FERMT1: variants seen among roughly 807,000 people sequenced by gnomAD.
FERMT1 encodes FERM domain containing kindlin 1.
Under a neutral mutation model 85.3 loss-of-function variants are expected in FERMT1, and 60 were observed. The ratio of observed to expected loss-of-function variants is 0.70; its 90% confidence interval spans 0.57 to 0.87. The LOEUF (loss-of-function observed/expected upper bound fraction) is 0.87, where lower values mean the gene tolerates loss of function less well. FERMT1 is among the 40% of genes least tolerant of loss of function. The pLI is 0.00. For missense variants in FERMT1, 701 were observed against 818.9 expected (o/e 0.86, Z 1.76); for synonymous variants, 275 against 301.1 (o/e 0.91, Z 0.90).
At chr20:6,088,035 T>C (rs1475470881) in intron 10 of FERMT1, 152 bp from the exon 11 acceptor site, 3 of 667,956 alleles carry the variant, frequency 4.5e-6, no homozygotes, top group Non-Finnish European at 8.1e-6. Context: ...CATTAATTAA[T>C]GGATAATTAG....
intron 2 of FERMT1, among the ~76,000 whole-genome samples, chr20:6,117,027 C>G (rs1337251378): frequency 6.6e-6 from 1 of 152,210 alleles, no homozygotes; most frequent in Non-Finnish European, 1.5e-5. Context: ...ATCTCCAACT[C>G]TTTATCAGTA....
At chr20:6,114,173 C>T (rs745747337) in intron 3 of FERMT1, among the ~76,000 whole-genome samples, 2 of 152,166 alleles carry the variant, frequency 1.3e-5, no homozygotes, top group Admixed American at 6.5e-5. Context: ...TTGCAACACA[C>T]GTGTGACCAT....
At chr20:6,111,939 C>T (rs78441527) in intron 4 of FERMT1, among the ~76,000 whole-genome samples, 15,828 of 151,732 alleles carry the variant, frequency 0.1, 892 homozygotes, top group African/African-American at 0.14. Context: ...CTTGGCACAC[C>T]GCAACTTCCA....
Position 6,085,123 on chromosome 20 carries a change from AT to A in FERMT1, c.1535del (p.Asp512ValfsTer2). ...GTGACACAAAACATTCTGGGTTCAT[AT>A]CCATGTTTTCGAGACTGGAAGCCAC... Reference protein sequence around the residue: ...SQVASSLENMDMNPECFVSPR... With the variant: ...SQVASSLENMXMNPECFVSPR... On this transcript the variant is annotated frameshift_variant, in exon 12 of 15. Transcript: ENST00000217289. LOFTEE classifies it high-confidence loss of function. 6.2e-7 allele frequency: 1 copy of A among 1,614,186 alleles called. No individual in the cohort carries two copies. The highest frequency in any genetic ancestry group is 8.5e-7 in the Non-Finnish European group (1 of 1,180,032).
At chr20:6,085,846 C>CAA (rs10700226) in intron 11 of FERMT1, among the ~76,000 whole-genome samples, 24,775 of 140,620 alleles carry the variant, frequency 0.18, 2,596 homozygotes, top group East Asian at 0.53. Context: ...AATACTTTGT[C>CAA]AAAAAAAAAA....
chr20:6,107,012 A>G (rs1982813734), intron 6 of FERMT1, among the ~76,000 whole-genome samples: 1 of 152,128 alleles, frequency 6.6e-6, no homozygotes, highest in African/African-American at 2.4e-5. Context: ...CCTGGCCAAT[A>G]TAGTGAAACC....
chr20:6,094,705 C>T (rs1452416241), intron 9 of FERMT1, among the ~76,000 whole-genome samples: 1 of 152,120 alleles, frequency 6.6e-6, no homozygotes, highest in African/African-American at 2.4e-5. Flanking sequence ...GAGGTATATT[C>T]CCATTTTATA....
Position 6,075,010 on chromosome 20 carries a change from A to C in FERMT1, c.*2163T>G, listed in dbSNP as rs900622206. On this transcript the variant is annotated 3_prime_UTR_variant, in exon 15 of 15. Coordinates refer to ENST00000217289, the MANE Select transcript of FERMT1 (RefSeq NM_017671.5). The stretch of plus-strand genomic sequence containing the variant: ...CCTTTTGCACTCAGTATTAAAAAAA[A>C]CCATCAAGTTGCTCTTTGGAACAGT... The C allele has an allele frequency of 6.6e-6, 1 of 151,756 alleles. No homozygotes were observed. Among genetic ancestry groups the C allele is most frequent in the Non-Finnish European group, 1.5e-5 (1 of 67,952 alleles). The allele number at this position is 151,756 out of a possible 1,614,324, so 9.4% of individuals were successfully genotyped here.
rs2273420 is a variant in FERMT1, at chr20:6,119,744, G to A, written c.-18-172C>T. 0.6 allele frequency among the ~76,000 whole-genome samples: 90,547 copies of A among 151,946 alleles called. 27,370 individuals carry two copies. Among genetic ancestry groups the A allele is most frequent in the East Asian group, 0.84 (4,371 of 5,178 alleles). ...ATATCAAATTTGGCATCTTAACTTTGAAGACAAAAAGTTTTATAAAAATGG... is the reference window on the plus strand; with the variant it reads ...ATATCAAATTTGGCATCTTAACTTTAAAGACAAAAAGTTTTATAAAAATGG... On this transcript the variant is annotated intron_variant, in intron 1 of 14. Coordinates refer to ENST00000217289, the MANE Select transcript of FERMT1 (RefSeq NM_017671.5).
chr20:6,092,529 C>T lies in FERMT1; in HGVS notation c.1139+2410G>A, dbSNP rs140362095. Among the ~76,000 whole-genome samples the T allele has an allele frequency of 4.9e-3, 734 of 151,244 alleles. 3 individuals carry two copies. Among genetic ancestry groups the T allele is most frequent in the African/African-American group, 0.015 (627 of 41,318 alleles). On this transcript the variant is annotated intron_variant, in intron 9 of 14. Coordinates refer to ENST00000217289, the MANE Select transcript of FERMT1 (RefSeq NM_017671.5). ...CTGCACTCCATCTTGGGTGACAGAA[C>T]GAGACTTTGTCTCAAAAAAAAAAAA... is the stretch of plus-strand genomic sequence containing the variant.
chr20:6,114,391 G>A (rs542666326), intron 3 of FERMT1, among the ~76,000 whole-genome samples: 7 of 152,228 alleles, frequency 4.6e-5, no homozygotes, highest in Middle Eastern at 3.4e-3. Flanking sequence ...GAAATGCCAC[G>A]CTGAGCCTTT....
rs148797755 is a variant in FERMT1, at chr20:6,111,899, TG to T, written c.532+577del. On this transcript the variant is annotated intron_variant, in intron 4 of 14. Transcript: ENST00000217289. The stretch of plus-strand genomic sequence containing the variant: ...TTTTTTTTGAGACAGGGTCTTGCTC[TG>T]TCACCCAGCCTGAGTGCAGTGGCAC... 9.9e-3 allele frequency among the ~76,000 whole-genome samples: 1,499 copies of T among 151,808 alleles called. 10 individuals carry two copies. Among genetic ancestry groups the T allele is most frequent in the Non-Finnish European group, 0.016 (1,111 of 67,888 alleles).
rs1981936564 is a variant in FERMT1 at position 6,079,535 on chromosome 20, A to T, written c.1761T>A (p.Tyr587Ter). The change falls in exon 14 of 15, where the codon TAT becomes TAA. Residue 587 changes from tyrosine to a stop codon, truncating the protein, a stop_gained. Transcript: ENST00000217289. LOFTEE classifies it high-confidence loss of function. ...SKKDDILGVS[Y>*]NRLIKIDAAT... Reference sequence around the variant, plus strand: ...CTGCATCAATTTTAATCAACCTGTTATATGAAACTCCCAGAATGTCATCTT... The same window carrying T: ...CTGCATCAATTTTAATCAACCTGTTTTATGAAACTCCCAGAATGTCATCTT... The T allele has an allele frequency of 6.2e-7, 1 of 1,614,026 alleles. No individual in the cohort carries two copies. Among genetic ancestry groups the T allele is most frequent in the East Asian group, 2.2e-5 (1 of 44,880 alleles).
At chr20:6,108,720 A>C (rs1245186590) in intron 5 of FERMT1, among the ~76,000 whole-genome samples, 2 of 151,832 alleles carry the variant, frequency 1.3e-5, no homozygotes, top group South Asian at 2.1e-4. Flanking sequence ...TGAGGCAGGC[A>C]GGAAAATTGT....
At chr20:6,083,660 C>CG (rs1982064175) in intron 13 of FERMT1, among the ~76,000 whole-genome samples, 1 of 126,122 alleles carries the variant, frequency 7.9e-6, no homozygotes, top group African/African-American at 3.1e-5. Flanking sequence ...GAGACACCCC[C>CG]CCCCCCGGCC....
chr20:6,102,123 G>C (rs920406240), intron 6 of FERMT1, among the ~76,000 whole-genome samples: 1 of 151,602 alleles, frequency 6.6e-6, no homozygotes, highest in Non-Finnish European at 1.5e-5. Context: ...GAACTCCTGG[G>C]CTCCAGCAAT....
rs76830762 is a variant in FERMT1, at chr20:6,100,498, G to A, written c.850-2867C>T. ...AATGGGTATGGAGTTTCTTACTGCG[G>A]TGATGAAAATGTTCTGAAATTAGAT... On this transcript the variant is annotated intron_variant, in intron 6 of 14. Transcript: ENST00000217289. 8.4e-3 allele frequency among the ~76,000 whole-genome samples: 1,283 copies of A among 152,264 alleles called. 13 individuals are homozygous for A. Among genetic ancestry groups the A allele is most frequent in the African/African-American group, 0.027 (1,140 of 41,532 alleles).
At chr20:6,112,411 G>C in intron 4 of FERMT1, 66 bp downstream of exon 4, 3 of 1,480,098 alleles carry the variant, frequency 2.0e-6, no homozygotes, top group Non-Finnish European at 1.9e-6. Flanking sequence ...GGTGGGAGGA[G>C]AGATATATTT....
At chr20:6,120,708 A>G (rs1057136051) in intron 1 of FERMT1, among the ~76,000 whole-genome samples, 2 of 152,208 alleles carry the variant, frequency 1.3e-5, no homozygotes, top group African/African-American at 4.8e-5. Context: ...AGAAACATCA[A>G]TGCACTCAAA....
Sources: allele counts gnomAD v4.1 joint callset (sites outside exome capture counted in the v4.1 genomes callset), GRCh38; gene constraint gnomAD v4.1.1; transcripts MANE v1.5; gene names NCBI Gene and HGNC (gene_info 2026-07-23, HGNC 2026-07-21).